The following MAK variants were observed in gnomAD, a reference collection of about 807,000 sequenced individuals.
MAK encodes male germ cell associated kinase.
A neutral mutation model predicts 82.6 loss-of-function variants in MAK; 65 were observed. That is an observed-to-expected ratio of 0.79 (90% CI 0.64 to 0.97). MAK has a LOEUF of 0.97. Ranked by LOEUF, MAK falls within the 50% of genes least tolerant of loss-of-function variation. The pLI is 0.00. For missense variants in MAK, 703 were observed against 780.2 expected (o/e 0.90, Z 1.18); for synonymous variants, 250 against 274.2 (o/e 0.91, Z 0.87).
intron 11 of MAK, among the ~76,000 whole-genome samples, chr6:10,782,533 T>C (rs143353548): frequency 6.6e-6 from 1 of 152,130 alleles, no homozygotes; most frequent in East Asian, 1.9e-4. Flanking sequence ...TTTCATTTTT[T>C]TTCTTTTCCC....
chr6:10,789,800 C>T (rs372512393), intron 10 of MAK, among the ~76,000 whole-genome samples: 25 of 152,064 alleles, frequency 1.6e-4, no homozygotes, highest in Non-Finnish European at 3.2e-4. Context: ...GGATTACAGG[C>T]GCCCGCCACC....
intron 2 of MAK, among the ~76,000 whole-genome samples, chr6:10,820,595 T>A (rs1230557740): frequency 1.3e-5 from 2 of 152,196 alleles, no homozygotes; most frequent in Non-Finnish European, 2.9e-5. Context: ...TTTACCAATA[T>A]CTATGATTGA....
In MAK at chr6:10,796,183, C is replaced by T; in HGVS notation, c.958G>A (p.Glu320Lys). 1 of 1,614,164 alleles carries T rather than the reference C, an allele frequency of 6.2e-7. No homozygotes were observed. Among genetic ancestry groups the T allele is most frequent in the Non-Finnish European group, 8.5e-7 (1 of 1,180,032 alleles). ...ATTATATCCGGCAGAGGCTTAGGCT[C>T]TACCTCAACTAAAGATGGCTTTGAT... Reference protein sequence around the residue: ...LESKPSLVEVEPKPLPDIIDQ... With the variant: ...LESKPSLVEVKPKPLPDIIDQ... The change falls in exon 9 of 15, where the codon GAG (glutamate) becomes AAG (lysine). Residue 320 changes from glutamate (E) to lysine (K), a missense_variant. By Grantham distance (56) the Glu-to-Lys change is moderately conservative. Transcript: ENST00000354489.
chr6:10,770,572 G>T (rs567254877), intron 13 of MAK, among the ~76,000 whole-genome samples: 16 of 152,222 alleles, frequency 1.1e-4, no homozygotes, highest in Admixed American at 2.0e-4. Context: ...TCACATGGGG[G>T]TGTATTTCCC....
intron 14 of MAK, among the ~76,000 whole-genome samples, chr6:10,767,635 A>G (rs2127506329): frequency 6.6e-6 from 1 of 152,158 alleles, no homozygotes; most frequent in East Asian, 1.9e-4. Context: ...CTAAAAATAC[A>G]TAAATTAGCT....
At chr6:10,779,836 C>T (rs1773805068) in intron 11 of MAK, among the ~76,000 whole-genome samples, 1 of 152,152 alleles carries the variant, frequency 6.6e-6, no homozygotes, top group Non-Finnish European at 1.5e-5. Context: ...AGGCACCCGC[C>T]ACCATGCCTG....
chr6:10,819,036 T>C, intron 2 of MAK, 96 bp from the exon 3 acceptor site: 1 of 734,274 alleles, frequency 1.4e-6, no homozygotes, highest in South Asian at 1.5e-5. Flanking sequence ...TGGTTCACTT[T>C]GGGCGAGCTA....
Position 10,764,395 on chromosome 6 carries a change from C to A in MAK, c.*57G>T. ...GACATTTGTAGACATTTCCCAGGGT[C>A]AAGGAACTTGCACGTACTCTACGGA... On this transcript the variant is annotated 3_prime_UTR_variant, in exon 15 of 15. Transcript: ENST00000354489. 6.4e-7 allele frequency: 1 copy of A among 1,568,982 alleles called. No homozygotes were observed. The highest frequency in any genetic ancestry group is 8.7e-7 in the Non-Finnish European group (1 of 1,142,942).
rs1390121044 is a variant in MAK, at chr6:10,828,374, T to C, written c.101+2174A>G. 3.3e-5 allele frequency among the ~76,000 whole-genome samples: 5 copies of C among 152,130 alleles called. No individual in the cohort carries two copies. The South Asian group carries it at 6.2e-4, about 19-fold the overall frequency. On this transcript the variant is annotated intron_variant, in intron 2 of 14. Transcript: ENST00000354489. ...AGGAAGGAGCCTCTGTAAAAGGGAA[T>C]TGAGGTGCCTCTTGCCAACAGCCAG...
intron 1 of MAK, among the ~76,000 whole-genome samples, chr6:10,835,597 T>C (rs754372228): frequency 1.3e-5 from 2 of 152,200 alleles, no homozygotes; most frequent in Non-Finnish European, 2.9e-5. Flanking sequence ...AATGGTATGA[T>C]AGCATCATCT....
chr6:10,813,116 ATATATATATATATATATAAATT>A (rs1561987235), intron 5 of MAK, among the ~76,000 whole-genome samples: 1,339 of 4,916 alleles, frequency 0.27, 314 homozygotes, highest in Non-Finnish European at 0.36. Context: ...ATATATATAT[ATATATATATATATATATAAATT>A]TTTTTTTTTT....
rs1470938810 is a variant in MAK at position 10,828,279 on chromosome 6, C to T, written c.101+2269G>A. On this transcript the variant is annotated intron_variant, in intron 2 of 14. Coordinates refer to ENST00000354489, the MANE Select transcript of MAK (RefSeq NM_001242957.3). ...TGTGGAGATGCGTATCCCATGAGTA[C>T]GGGACTGGTTCTGGTGGAAGTCAAC... 5.9e-5 allele frequency among the ~76,000 whole-genome samples: 9 copies of T among 152,176 alleles called. No individual in the cohort carries two copies. The East Asian group carries it at 1.5e-3, about 26-fold the overall frequency.
At position 10,819,353 on chromosome 6, in the gene MAK, C is replaced by T. The variant is rs137999264; in HGVS notation, c.102-413G>A. 7.9e-3 allele frequency among the ~76,000 whole-genome samples: 1,203 copies of T among 152,200 alleles called. 16 individuals are homozygous for T. The highest frequency in any genetic ancestry group is 0.026 in the African/African-American group (1,082 of 41,522). ...AAACGTTAGAAATGGCTTTCTTGGC[C>T]GGGAACGGTGGCTCACGCCTGTAAT... is the stretch of plus-strand genomic sequence containing the variant. On this transcript the variant is annotated intron_variant, in intron 2 of 14. Transcript: ENST00000354489.
chr6:10,767,019 A>G (rs1419159022), intron 14 of MAK, among the ~76,000 whole-genome samples: 1 of 147,866 alleles, frequency 6.8e-6, no homozygotes. Flanking sequence ...CTAACAGCTG[A>G]GAGGAGCCCA....
At chr6:10,819,373 T>C (rs1013544314) in intron 2 of MAK, among the ~76,000 whole-genome samples, 26 of 152,232 alleles carry the variant, frequency 1.7e-4, no homozygotes, top group Non-Finnish European at 7.3e-5. Flanking sequence ...GGCTCACGCC[T>C]GTAATCCCAG....
At chr6:10,770,071 T>C (rs1343106348) in intron 14 of MAK, 40 bp downstream of exon 14, 9 of 1,613,974 alleles carry the variant, frequency 5.6e-6, no homozygotes, top group Non-Finnish European at 7.6e-6. Context: ...TGTTCCTTTC[T>C]GCTAGGAATC....
intron 10 of MAK, among the ~76,000 whole-genome samples, chr6:10,787,449 A>G (rs913993123): frequency 1.3e-5 from 2 of 152,228 alleles, no homozygotes; most frequent in African/African-American, 4.8e-5. Context: ...TATGAAAATT[A>G]TAAAGTTTAG....
chr6:10,813,306 G>A lies in MAK; in HGVS notation c.358+338C>T, dbSNP rs191071318. ...TGGGATTACAGGCGCCCGCCACCAC[G>A]CCCAGCTAATTTTTGTATTTTTTTT... On this transcript the variant is annotated intron_variant, in intron 5 of 14. Coordinates refer to ENST00000354489, the MANE Select transcript of MAK (RefSeq NM_001242957.3). Among the ~76,000 whole-genome samples, 643 of 141,468 alleles carry A rather than the reference G, an allele frequency of 4.5e-3. 8 individuals carry two copies. Among genetic ancestry groups the A allele is most frequent in the Admixed American group, 0.042 (575 of 13,852 alleles). The allele number at this position is 141,468 out of a possible 152,430, so 92.8% of individuals were successfully genotyped here.
chr6:10,798,798 C>CTTT (rs1775776111), intron 8 of MAK, among the ~76,000 whole-genome samples: 3 of 145,346 alleles, frequency 2.1e-5, no homozygotes, highest in Non-Finnish European at 3.0e-5. Flanking sequence ...AGTTTAGAAA[C>CTTT]ATTATTTATT....
Sources: gnomAD v4.1 joint callset for allele counts (sites outside exome capture counted in the v4.1 genomes callset) on GRCh38, gnomAD v4.1.1 for gene constraint, MANE v1.5 for transcripts, NCBI Gene and HGNC (gene_info 2026-07-23, HGNC 2026-07-21) for gene names.